Variants in PRKAR1A observed in about 807,000 individuals in gnomAD.
The protein encoded by PRKAR1A is cAMP-dependent protein kinase type I-alpha regulatory subunit.
A neutral mutation model predicts 52.0 loss-of-function variants in PRKAR1A; 3 were observed. The observed-to-expected ratio is 0.06, with a 90% CI of 0.03 to 0.15. The LOEUF is 0.15. Among genes scored for constraint, PRKAR1A ranks in the 10% least tolerant of loss-of-function variants. The pLI is 1.00. For missense variants in PRKAR1A, 240 were observed against 477.4 expected, an observed-to-expected ratio of 0.50 and a Z score of 4.63; for synonymous variants, 188 against 168.4, an observed-to-expected ratio of 1.12 and a Z score of -0.90.
At chr17:68,482,671 G>A in the PRKAR1A span, among the ~76,000 whole-genome samples, 16 of 152,194 alleles carry the variant, frequency 1.1e-4, no homozygotes, top group Non-Finnish European at 4.4e-5. Context: ...AATATTGCCC[G>A]TACAATAAAG....
the PRKAR1A span, among the ~76,000 whole-genome samples, chr17:68,501,777 C>T: frequency 2.0e-5 from 3 of 152,162 alleles, no homozygotes; most frequent in South Asian, 2.1e-4. Context: ...CTTAAACTTC[C>T]GACCAGCAAG....
the PRKAR1A span, among the ~76,000 whole-genome samples, chr17:68,477,146 A>G: frequency 4.2e-3 from 636 of 152,334 alleles, 10 homozygotes; most frequent in African/African-American, 0.015. Flanking sequence ...TAAATCCACA[A>G]CAATCATCTT....
rs2086333237 is a variant in PRKAR1A at position 68,542,242 on chromosome 17, A to T, written c.974-8842A>T. 4 of 1,505,866 alleles carry T rather than the reference A, an allele frequency of 2.7e-6. No homozygotes were observed. In the South Asian group the frequency reaches 4.6e-5, roughly 17 times the overall value. 93.3% of individuals were successfully genotyped at this position (1,505,866 alleles called of 1,614,324 possible). On this transcript the variant is annotated intron_variant, in intron 11 of 11. Transcript: ENST00000585981. ...GACATCTTCCTGGCCTAGGAAATCC[A>T]CTGGGAGGGAAGGGAAACCCTGAAC...
chr17:68,496,843 T>C, the PRKAR1A span, among the ~76,000 whole-genome samples: 2 of 129,460 alleles, frequency 1.5e-5, no homozygotes, highest in Non-Finnish European at 3.2e-5. Context: ...TTTTTTTTTT[T>C]GAGACAGGGT....
At chr17:68,537,552 T>C, downstream of PRKAR1A, 1 of 1,613,672 alleles carries the variant, frequency 6.2e-7, no homozygotes, top group South Asian at 1.1e-5. This position sits in a 1 kb window ranked among gnomAD's most constrained non-coding sequence, Gnocchi z 4.2. Context: ...CACTCTGCTG[T>C]CCATGGGCCA....
At chr17:68,417,989 C>G in the PRKAR1A span, among the ~76,000 whole-genome samples, 1 of 152,016 alleles carries the variant, frequency 6.6e-6, no homozygotes, top group African/African-American at 2.4e-5. Flanking sequence ...CTCAACCTCC[C>G]AAACTGCTGG....
chr17:68,518,430 T>C (rs1183899532), intron 2 of PRKAR1A, among the ~76,000 whole-genome samples: 1 of 152,244 alleles, frequency 6.6e-6, no homozygotes, highest in Non-Finnish European at 1.5e-5. Context: ...CAAACCTCAG[T>C]TCTTGACTTC....
chr17:68,420,018 A>ACCAC, the PRKAR1A span, among the ~76,000 whole-genome samples: 1 of 152,162 alleles, frequency 6.6e-6, no homozygotes, highest in Non-Finnish European at 1.5e-5. Context: ...TCATCACTGG[A>ACCAC]AGGAGCAAAT....
At chr17:68,459,428 C>T in the PRKAR1A span, among the ~76,000 whole-genome samples, 1 of 152,178 alleles carries the variant, frequency 6.6e-6, no homozygotes, top group African/African-American at 2.4e-5. Context: ...GACCTGGGAG[C>T]TGGTGTTAGT....
chr17:68,529,837 G>A, intron 9 of PRKAR1A, 83 bp from the exon 10 acceptor site: 1 of 1,305,072 alleles, frequency 7.7e-7, no homozygotes, highest in South Asian at 1.2e-5. Context: ...TTGCAAGGTA[G>A]TTAAAATTGC....
downstream of PRKAR1A, chr17:68,536,677 C>T (rs1481322716): frequency 2.2e-6 from 1 of 453,300 alleles, no homozygotes; most frequent in African/African-American, 2.0e-5. Flanking sequence ...TGCCTTACTC[C>T]AGGCTTGTGT....
chr17:68,483,106 C>T, the PRKAR1A span, among the ~76,000 whole-genome samples: 1 of 148,336 alleles, frequency 6.7e-6, no homozygotes, highest in Non-Finnish European at 1.5e-5. Flanking sequence ...CATTGTGATC[C>T]ATGATCTAGT....
chr17:68,478,716 A>G, the PRKAR1A span, among the ~76,000 whole-genome samples: 1 of 142,188 alleles, frequency 7.0e-6, no homozygotes, highest in Admixed American at 7.1e-5. Context: ...TTTAGTATGT[A>G]TATGTTGGAC....
At chr17:68,498,404 C>A in the PRKAR1A span, among the ~76,000 whole-genome samples, 1 of 152,150 alleles carries the variant, frequency 6.6e-6, no homozygotes, top group Non-Finnish European at 1.5e-5. Context: ...CATTTCATTA[C>A]GTATTTATTT....
At chr17:68,525,084 T>G (rs1230043536) in intron 6 of PRKAR1A, 126 bp downstream of exon 6, 1 of 769,884 alleles carries the variant, frequency 1.3e-6, no homozygotes, top group Non-Finnish European at 2.2e-6. Context: ...TATTAATACC[T>G]TTTGCCAAGT....
At chr17:68,468,852 C>T in the PRKAR1A span, among the ~76,000 whole-genome samples, 2 of 152,132 alleles carry the variant, frequency 1.3e-5, no homozygotes, top group Admixed American at 1.3e-4. Context: ...GCAGACAAGA[C>T]ATATCTCAAA....
chr17:68,515,901 T>C, intron 2 of PRKAR1A: 2 of 266,294 alleles, frequency 7.5e-6, no homozygotes, highest in Non-Finnish European at 1.5e-5. Context: ...GTTCTATGAA[T>C]AAGAAATTCT....
chr17:68,424,705 G>A, the PRKAR1A span, among the ~76,000 whole-genome samples: 8 of 152,218 alleles, frequency 5.3e-5, no homozygotes, highest in South Asian at 1.0e-3. Context: ...GTGAAACCCC[G>A]TCTCTACTAA....
intron 8 of PRKAR1A, 86 bp from the exon 9 acceptor site, chr17:68,528,783 AT>A: frequency 6.5e-7 from 1 of 1,535,216 alleles, no homozygotes; most frequent in South Asian, 1.1e-5. Flanking sequence ...GGGCATGGCT[AT>A]TTGGTTGAAT....
Sources: gnomAD v4.1 joint callset for allele counts (sites outside exome capture counted in the v4.1 genomes callset) on GRCh38, gnomAD v4.1.1 for gene constraint, Gnocchi (gnomAD v3.1) non-coding constraint, MANE v1.5 for transcripts, NCBI Gene and HGNC (gene_info 2026-07-23, HGNC 2026-07-21) for gene names.